The following ERBB4 variants were observed in gnomAD, a reference collection of about 807,000 sequenced individuals.
The protein encoded by ERBB4 is erb-b2 receptor tyrosine kinase 4.
A neutral mutation model predicts 158.0 loss-of-function variants in ERBB4; 42 were observed. The observed-to-expected ratio is 0.27, with a 90% CI of 0.21 to 0.34. The LOEUF is 0.34. Among genes scored for constraint, ERBB4 ranks in the 10% least tolerant of loss-of-function variants. The pLI is 1.00. For missense variants in ERBB4, 1,333 were observed against 1,624.1 expected (o/e 0.82, Z 3.08); for synonymous variants, 583 against 558.7 (o/e 1.04, Z -0.61).
intron 2 of ERBB4, among the ~76,000 whole-genome samples, chr2:211,989,921 G>A (rs992057974): frequency 5.9e-5 from 9 of 151,694 alleles, no homozygotes; most frequent in African/African-American, 2.2e-4. Context: ...AGAGCAAAAT[G>A]GAATCATTCA....
chr2:212,529,789 G>A (rs1254214554), intron 1 of ERBB4, among the ~76,000 whole-genome samples: 1 of 152,132 alleles, frequency 6.6e-6, no homozygotes, highest in African/African-American at 2.4e-5. Context: ...GGCTAGAGTA[G>A]CCAGTGAAGG....
At chr2:211,626,717 G>A (rs920931641) in intron 17 of ERBB4, among the ~76,000 whole-genome samples, 1 of 152,054 alleles carries the variant, frequency 6.6e-6, no homozygotes, top group African/African-American at 2.4e-5. Context: ...GAGGTCAGGA[G>A]ATCGAGACCA....
intron 7 of ERBB4, among the ~76,000 whole-genome samples, chr2:211,718,406 T>C (rs1167345828): frequency 6.6e-6 from 1 of 152,190 alleles, no homozygotes; most frequent in Non-Finnish European, 1.5e-5. Flanking sequence ...TTCAGAATTT[T>C]TTGGATTTTG....
chr2:212,373,212 C>A (rs1158254487), intron 1 of ERBB4, among the ~76,000 whole-genome samples: 1 of 151,982 alleles, frequency 6.6e-6, no homozygotes, highest in Non-Finnish European at 1.5e-5. Flanking sequence ...ATTATATTAT[C>A]CACATTTTAG....
At chr2:212,203,660 T>C (rs139987470) in intron 1 of ERBB4, among the ~76,000 whole-genome samples, 11 of 152,324 alleles carry the variant, frequency 7.2e-5, no homozygotes, top group African/African-American at 2.2e-4. Flanking sequence ...AAGGACAAAC[T>C]AGTAATTAAA....
intron 1 of ERBB4, among the ~76,000 whole-genome samples, chr2:212,269,095 A>G (rs148374574): frequency 1.2e-3 from 188 of 151,964 alleles, no homozygotes; most frequent in African/African-American, 4.4e-3. Flanking sequence ...ATAAACACAA[A>G]TGGGTACTTG....
At position 211,559,828 on chromosome 2, in the gene ERBB4, T is replaced by C. The variant is rs1482449081; in HGVS notation, c.2487+2075A>G. Among the ~76,000 whole-genome samples, 3 of 152,194 alleles carry C rather than the reference T, an allele frequency of 2.0e-5. No individual in the cohort carries two copies. In the East Asian group the frequency reaches 5.8e-4, roughly 29 times the overall value. ...AAAGCCCACCAATATCTGCTGAAGA[T>C]TAATGACTAAATAAGCTTACCATAT... is the stretch of plus-strand genomic sequence containing the variant. On this transcript the variant is annotated intron_variant, in intron 20 of 27. Transcript: ENST00000342788.
chr2:211,735,287 C>T (rs557697811), intron 5 of ERBB4, among the ~76,000 whole-genome samples: 8 of 151,976 alleles, frequency 5.3e-5, no homozygotes, highest in African/African-American at 1.9e-4. Context: ...CCCAGTGTTA[C>T]AGATGAAGAA....
intron 19 of ERBB4, among the ~76,000 whole-genome samples, chr2:211,569,129 T>G (rs2067639001): frequency 6.6e-6 from 1 of 152,184 alleles, no homozygotes; most frequent in South Asian, 2.1e-4. Context: ...TTCTAAACTT[T>G]GAAGTCAGCA....
chr2:211,862,169 T>G (rs1214027601), intron 3 of ERBB4, among the ~76,000 whole-genome samples: 1 of 152,190 alleles, frequency 6.6e-6, no homozygotes, highest in East Asian at 1.9e-4. Flanking sequence ...GAATAATCAT[T>G]AGATCTAGCA....
At chr2:211,433,377 C>T (rs1227062894) in intron 20 of ERBB4, among the ~76,000 whole-genome samples, 5 of 151,668 alleles carry the variant, frequency 3.3e-5, no homozygotes, top group Non-Finnish European at 5.9e-5. Context: ...GTCAGGAGAT[C>T]GAGACCATCC....
At chr2:212,416,055 C>G (rs576289044) in intron 1 of ERBB4, among the ~76,000 whole-genome samples, 15 of 152,174 alleles carry the variant, frequency 9.9e-5, no homozygotes, top group African/African-American at 2.6e-4. Context: ...TAATTACATA[C>G]CCACAAAGCT....
At position 211,646,447 on chromosome 2, in the gene ERBB4, C is replaced by A. The variant is rs556650223; in HGVS notation, c.1946+11307G>T. 3.3e-5 allele frequency among the ~76,000 whole-genome samples: 5 copies of A among 151,494 alleles called. No individual in the cohort carries two copies. The South Asian group carries it at 1.0e-3, about 31-fold the overall frequency. On this transcript the variant is annotated intron_variant, in intron 16 of 27. Coordinates refer to ENST00000342788, the MANE Select transcript of ERBB4 (RefSeq NM_005235.3). ...AGGCATATGGGACAAATCACTAAGACCAGAACCATTGCTTGAAGATAAATT... is the reference window on the plus strand; with the variant it reads ...AGGCATATGGGACAAATCACTAAGAACAGAACCATTGCTTGAAGATAAATT...
intron 3 of ERBB4, among the ~76,000 whole-genome samples, chr2:211,857,016 T>C (rs1470318624): frequency 1.3e-5 from 2 of 152,152 alleles, no homozygotes; most frequent in Non-Finnish European, 2.9e-5. Context: ...TAATTGTATG[T>C]TATAATATTT....
intron 17 of ERBB4, among the ~76,000 whole-genome samples, chr2:211,628,121 C>T (rs902645361): frequency 1.3e-5 from 2 of 151,646 alleles, no homozygotes; most frequent in East Asian, 3.9e-4. Flanking sequence ...CAGAAAGACT[C>T]TCTCTCTTTC....
intron 15 of ERBB4, among the ~76,000 whole-genome samples, chr2:211,659,786 G>C (rs1019924805): frequency 6.6e-6 from 1 of 152,138 alleles, no homozygotes; most frequent in Non-Finnish European, 1.5e-5. Flanking sequence ...ACATTTTTCT[G>C]TTCTCAATGA....
chr2:211,853,602 T>C (rs932829848), intron 3 of ERBB4, among the ~76,000 whole-genome samples: 1 of 152,092 alleles, frequency 6.6e-6, no homozygotes, highest in African/African-American at 2.4e-5. Context: ...GGCAGTGGTC[T>C]GAGGTACTGC....
At chr2:211,385,018 T>C (rs973446394) in intron 27 of ERBB4, among the ~76,000 whole-genome samples, 5 of 152,132 alleles carry the variant, frequency 3.3e-5, no homozygotes, top group Admixed American at 6.6e-5. Flanking sequence ...TCTTTTACTA[T>C]ATACACAAAG....
At chr2:212,370,101 T>G (rs979557361) in intron 1 of ERBB4, among the ~76,000 whole-genome samples, 7 of 152,234 alleles carry the variant, frequency 4.6e-5, no homozygotes, top group African/African-American at 1.7e-4. Context: ...TCCCCCCACC[T>G]GTCAAGGGCA....
Sources: gnomAD v4.1 joint callset for allele counts (sites outside exome capture counted in the v4.1 genomes callset) on GRCh38, gnomAD v4.1.1 for gene constraint, MANE v1.5 for transcripts, NCBI Gene and HGNC (gene_info 2026-07-23, HGNC 2026-07-21) for gene names.